Variants in NOL4 observed in about 807,000 individuals in gnomAD.
NOL4 encodes cancer/testis antigen 125.
In NOL4, 17 loss-of-function variants were observed where a neutral mutation model predicts 75.9. That is an observed-to-expected ratio of 0.22 (90% confidence interval 0.15 to 0.34). The LOEUF (loss-of-function observed/expected upper bound fraction) is 0.34. Ranked by LOEUF, NOL4 falls within the 10% of genes least tolerant of loss-of-function variation. NOL4 has a pLI of 1.00. For missense variants in NOL4, 614 were observed against 793.5 expected (o/e 0.77, Z 2.72); for synonymous variants, 292 against 289.9 (o/e 1.01, Z -0.07).
At chr18:33,955,588 C>T (rs1197317864) in intron 8 of NOL4, among the ~76,000 whole-genome samples, 2 of 151,938 alleles carry the variant, frequency 1.3e-5, no homozygotes, top group Non-Finnish European at 2.9e-5. Context: ...GCTCTGAACT[C>T]CCTGGCAGTA....
At chr18:34,202,708 A>G (rs1489309430) in intron 1 of NOL4, among the ~76,000 whole-genome samples, 2 of 152,030 alleles carry the variant, frequency 1.3e-5, no homozygotes, top group East Asian at 3.9e-4. Flanking sequence ...AGTGACAGTT[A>G]TCTTCAAATC....
intron 5 of NOL4, among the ~76,000 whole-genome samples, chr18:34,087,087 T>C (rs1028163004): frequency 2.0e-5 from 3 of 152,104 alleles, no homozygotes; most frequent in Admixed American, 6.6e-5. Context: ...CTAGGTAGAA[T>C]AGTAAAGAAT....
chr18:34,192,465 C>A (rs114644676), intron 1 of NOL4, among the ~76,000 whole-genome samples: 6 of 152,196 alleles, frequency 3.9e-5, no homozygotes, highest in African/African-American at 1.4e-4. Context: ...AAATACACTA[C>A]AAAGCTGTAG....
intron 5 of NOL4, among the ~76,000 whole-genome samples, chr18:34,087,981 T>C (rs1361133239): frequency 2.0e-5 from 3 of 151,984 alleles, no homozygotes; most frequent in South Asian, 2.1e-4. Flanking sequence ...ACATTCCTTT[T>C]ATTCCTATTA....
chr18:34,171,687 T>C (rs1242032513), intron 1 of NOL4, among the ~76,000 whole-genome samples: 2 of 152,172 alleles, frequency 1.3e-5, no homozygotes, highest in African/African-American at 4.8e-5. Flanking sequence ...TTGCTCTTAC[T>C]TCATTTCTTC....
chr18:34,021,609 G>A lies in NOL4; in HGVS notation c.773-2008C>T, dbSNP rs145193981. Among the ~76,000 whole-genome samples, 5 of 152,234 alleles carry A rather than the reference G, an allele frequency of 3.3e-5. No homozygotes were observed. In the East Asian group the frequency reaches 9.7e-4, roughly 29 times the overall value. On this transcript the variant is annotated intron_variant, in intron 5 of 10. Transcript: ENST00000261592. ...AATAGACTATTCTGACTCTGATGAG[G>A]AGAATGGTATGAAGGGGCAAAATGG...
chr18:33,878,328 G>A (rs750597864), intron 10 of NOL4, among the ~76,000 whole-genome samples: 5 of 151,774 alleles, frequency 3.3e-5, no homozygotes, highest in African/African-American at 1.2e-4. Context: ...ATTTGTATAC[G>A]TTATCTTTCT....
chr18:34,007,685 A>C (rs777437802), intron 6 of NOL4, among the ~76,000 whole-genome samples: 1 of 152,042 alleles, frequency 6.6e-6, no homozygotes, highest in Non-Finnish European at 1.5e-5. Context: ...TGTTCATTTT[A>C]CATCATCATA....
chr18:34,060,443 C>A (rs1232184673), intron 5 of NOL4, among the ~76,000 whole-genome samples: 3 of 152,198 alleles, frequency 2.0e-5, no homozygotes, highest in African/African-American at 7.2e-5. Flanking sequence ...CATGGCCTAA[C>A]TTCCTCATAA....
intron 1 of NOL4, among the ~76,000 whole-genome samples, chr18:34,197,925 C>T (rs2035454379): frequency 6.6e-6 from 1 of 151,598 alleles, no homozygotes; most frequent in African/African-American, 2.4e-5. Context: ...TTGTTAAAGG[C>T]CCAGAAGGAA....
chr18:34,026,907 A>G (rs1446229905), intron 5 of NOL4, among the ~76,000 whole-genome samples: 6 of 152,178 alleles, frequency 3.9e-5, no homozygotes, highest in Non-Finnish European at 5.9e-5. Flanking sequence ...ATAAACTTCC[A>G]TCTAAATTCT....
At chr18:33,881,062 C>CA (rs1020091086) in intron 10 of NOL4, among the ~76,000 whole-genome samples, 2 of 146,932 alleles carry the variant, frequency 1.4e-5, no homozygotes, top group African/African-American at 5.1e-5. Flanking sequence ...CAAAACAAAG[C>CA]AAAAAAACAC....
chr18:34,004,026 T>G (rs2073891771), intron 6 of NOL4, among the ~76,000 whole-genome samples: 1 of 152,038 alleles, frequency 6.6e-6, no homozygotes, highest in Non-Finnish European at 1.5e-5. Flanking sequence ...ACCTGGAGGC[T>G]TCATCTGCAT....
intron 9 of NOL4, among the ~76,000 whole-genome samples, chr18:33,901,944 T>A (rs2065771524): frequency 1.3e-5 from 2 of 152,038 alleles, no homozygotes; most frequent in African/African-American, 4.8e-5. Flanking sequence ...AAGATGTATT[T>A]TTAGTAGGAA....
chr18:34,224,026 G>A lies in NOL4; in HGVS notation c.-773C>T, dbSNP rs903405954. 1 of 152,248 alleles carries A rather than the reference G, an allele frequency of 6.6e-6. No homozygotes were observed. The highest frequency in any genetic ancestry group is 3.2e-3 in the Middle Eastern group (1 of 316). The allele number at this position is 152,248 out of a possible 1,614,324, so 9.4% of individuals were successfully genotyped here. ...TTTTGAATAAATTCCAGCCCTGTAT[G>A]TAGATTCTACGAGTTAAGTCCCAGA... On this transcript the variant is annotated 5_prime_UTR_variant, in exon 1 of 11. Coordinates refer to ENST00000261592, the MANE Select transcript of NOL4 (RefSeq NM_003787.5).
intron 9 of NOL4, among the ~76,000 whole-genome samples, chr18:33,885,571 G>T (rs1273900649): frequency 6.6e-6 from 1 of 152,136 alleles, no homozygotes; most frequent in Non-Finnish European, 1.5e-5. Context: ...ATGAAAAGGT[G>T]CTCAACATCA....
At chr18:33,978,788 T>C (rs1228980510) in intron 6 of NOL4, among the ~76,000 whole-genome samples, 1 of 151,800 alleles carries the variant, frequency 6.6e-6, no homozygotes, top group Non-Finnish European at 1.5e-5. Context: ...ATAAATGCTA[T>C]TTAAATAATT....
At chr18:34,049,076 A>ACG (rs1307633064) in intron 5 of NOL4, among the ~76,000 whole-genome samples, 1 of 30,382 alleles carries the variant, frequency 3.3e-5, no homozygotes, top group African/African-American at 1.3e-4. Context: ...AGGCGCGCGC[A>ACG]CACACACACA....
In NOL4 at chr18:34,150,392, C is replaced by T. The variant is rs572879780; in HGVS notation, c.265-20372G>A. Among the ~76,000 whole-genome samples the T allele has an allele frequency of 1.6e-4, 25 of 151,662 alleles. No individual in the cohort carries two copies. The South Asian group carries it at 3.1e-3, about 19-fold the overall frequency. On this transcript the variant is annotated intron_variant, in intron 1 of 10. Transcript: ENST00000261592. ...CAGTATGTATTGGCAACAGAACAAA[C>T]GAGTATCAGTAGGATAGAATAGAGA...
Sources: gnomAD v4.1 joint callset for allele counts (sites outside exome capture counted in the v4.1 genomes callset) on GRCh38, gnomAD v4.1.1 for gene constraint, MANE v1.5 for transcripts, NCBI Gene and HGNC (gene_info 2026-07-23, HGNC 2026-07-21) for gene names.